NKAIN2: variants seen among roughly 807,000 people sequenced by gnomAD.
The protein encoded by NKAIN2 is sodium/potassium-transporting ATPase subunit beta-1-interacting protein 2.
In NKAIN2, 14 loss-of-function variants were observed where a neutral mutation model predicts 32.6. The ratio of observed to expected loss-of-function variants is 0.43; its 90% CI spans 0.28 to 0.67. NKAIN2 has a LOEUF of 0.67. NKAIN2 is among the 30% of genes least tolerant of loss of function. The pLI is 0.17. For missense variants in NKAIN2, 198 were observed against 258.3 expected, an observed-to-expected ratio of 0.77 and a Z score of 1.60; for synonymous variants, 80 against 87.2, an observed-to-expected ratio of 0.92 and a Z score of 0.46.
At chr6:124,635,277 A>ATGAAAACATACAAAAGTATATAAAAC (rs1188932234) in intron 3 of NKAIN2, among the ~76,000 whole-genome samples, 18 of 152,186 alleles carry the variant, frequency 1.2e-4, no homozygotes, top group African/African-American at 4.3e-4. Flanking sequence ...ATCTATCATT[A>ATGAAAACATACAAAAGTATATAAAAC]TGAAAACATA....
intron 1 of NKAIN2, among the ~76,000 whole-genome samples, chr6:123,901,998 G>A (rs908929179): frequency 6.6e-6 from 1 of 152,092 alleles, no homozygotes; most frequent in African/African-American, 2.4e-5. Flanking sequence ...TGGGTTGTTA[G>A]ACAAATTTTA....
intron 1 of NKAIN2, among the ~76,000 whole-genome samples, chr6:124,200,191 C>A (rs1433472073): frequency 6.6e-6 from 1 of 152,138 alleles, no homozygotes; most frequent in Non-Finnish European, 1.5e-5. Flanking sequence ...CTCACTGCCT[C>A]CTTATTCGCT....
At chr6:124,054,807 T>G (rs534760293) in intron 1 of NKAIN2, among the ~76,000 whole-genome samples, 1 of 152,122 alleles carries the variant, frequency 6.6e-6, no homozygotes, top group South Asian at 2.1e-4. Flanking sequence ...CCTTGCTACA[T>G]TCAGGTCCCT....
chr6:124,344,310 T>A (rs964366327), intron 2 of NKAIN2, among the ~76,000 whole-genome samples: 3 of 152,144 alleles, frequency 2.0e-5, no homozygotes, highest in African/African-American at 7.2e-5. Context: ...CACTTGGTGA[T>A]GCGGGCTCTT....
At chr6:124,383,798 C>G (rs890834801) in intron 3 of NKAIN2, among the ~76,000 whole-genome samples, 1 of 151,936 alleles carries the variant, frequency 6.6e-6, no homozygotes, top group Admixed American at 6.6e-5. Context: ...TGGCTTTAAA[C>G]CTTTGTTTTC....
chr6:124,095,702 T>C (rs9388300), intron 1 of NKAIN2, among the ~76,000 whole-genome samples: 33,545 of 152,116 alleles, frequency 0.22, 4,113 homozygotes, highest in East Asian at 0.44. Context: ...ATCAACTCTA[T>C]CAATAAACAC....
At chr6:124,239,147 A>G (rs1411370485) in intron 1 of NKAIN2, among the ~76,000 whole-genome samples, 2 of 152,188 alleles carry the variant, frequency 1.3e-5, no homozygotes, top group African/African-American at 4.8e-5. Context: ...AACAAAGATA[A>G]AAAAAGGAAG....
At chr6:123,884,348 A>T (rs114548704) in intron 1 of NKAIN2, among the ~76,000 whole-genome samples, 2 of 152,162 alleles carry the variant, frequency 1.3e-5, no homozygotes, top group Admixed American at 1.3e-4. Flanking sequence ...TATCCAGTCT[A>T]TCTCTTTATA....
intron 1 of NKAIN2, among the ~76,000 whole-genome samples, chr6:124,269,564 T>C (rs986033778): frequency 2.0e-5 from 3 of 150,770 alleles, no homozygotes; most frequent in African/African-American, 7.3e-5. Context: ...GCCTCCCAAG[T>C]TCAAGCGATT....
intron 1 of NKAIN2, among the ~76,000 whole-genome samples, chr6:124,187,652 A>T (rs901187605): frequency 6.6e-5 from 10 of 152,180 alleles, no homozygotes; most frequent in African/African-American, 2.2e-4. Context: ...TTTCAAACTT[A>T]GTTAAAATTC....
intron 3 of NKAIN2, among the ~76,000 whole-genome samples, chr6:124,468,153 T>TTACATCTGTACATCTAATG (rs1418323541): frequency 1.3e-5 from 2 of 152,148 alleles, no homozygotes; most frequent in African/African-American, 4.8e-5. Context: ...TGTACAGATT[T>TTACATCTGTACATCTAATG]TACATCTTCC....
chr6:124,013,486 A>G (rs1318874137), intron 1 of NKAIN2, among the ~76,000 whole-genome samples: 1 of 152,226 alleles, frequency 6.6e-6, no homozygotes, highest in Non-Finnish European at 1.5e-5. Context: ...TATGAGAAAT[A>G]TAAGGTGAGG....
chr6:124,728,729 GA>G (rs1279174360), intron 4 of NKAIN2, among the ~76,000 whole-genome samples: 1 of 150,316 alleles, frequency 6.7e-6, no homozygotes, highest in Non-Finnish European at 1.5e-5. Flanking sequence ...GAAGGAAATA[GA>G]GACACAAAAA....
At chr6:123,902,616 C>A (rs1440179511) in intron 1 of NKAIN2, among the ~76,000 whole-genome samples, 1 of 152,126 alleles carries the variant, frequency 6.6e-6, no homozygotes, top group Admixed American at 6.5e-5. Context: ...GTTGTTAGTA[C>A]CATCTTGAAT....
intron 2 of NKAIN2, among the ~76,000 whole-genome samples, chr6:124,351,684 C>T (rs576555715): frequency 2.0e-5 from 3 of 152,012 alleles, no homozygotes; most frequent in East Asian, 3.9e-4. Flanking sequence ...TGAAGTGGTG[C>T]GATCTTGGCT....
intron 1 of NKAIN2, among the ~76,000 whole-genome samples, chr6:124,145,133 C>T (rs888825457): frequency 1.3e-5 from 2 of 152,156 alleles, no homozygotes; most frequent in Non-Finnish European, 2.9e-5. Flanking sequence ...ATACCAAATT[C>T]TGGTGAGGAT....
At chr6:124,273,358 C>T (rs1200078086) in intron 1 of NKAIN2, among the ~76,000 whole-genome samples, 1 of 152,134 alleles carries the variant, frequency 6.6e-6, no homozygotes, top group African/African-American at 2.4e-5. Context: ...TTCCTGCTAT[C>T]TCTCTCCTGC....
At chr6:124,802,298 T>C (rs1291497207) in intron 5 of NKAIN2, among the ~76,000 whole-genome samples, 3 of 152,236 alleles carry the variant, frequency 2.0e-5, no homozygotes, top group Non-Finnish European at 4.4e-5. Context: ...GGATGTCAGC[T>C]GAGAAGACAT....
At chr6:124,464,826 T>C (rs186217169) in intron 3 of NKAIN2, among the ~76,000 whole-genome samples, 3 of 152,248 alleles carry the variant, frequency 2.0e-5, no homozygotes, top group Non-Finnish European at 4.4e-5. Context: ...TTCTTTTTGC[T>C]TAGGATTGTC....
Sources: gnomAD v4.1 joint callset for allele counts (sites outside exome capture counted in the v4.1 genomes callset) on GRCh38, gnomAD v4.1.1 for gene constraint, MANE v1.5 for transcripts, NCBI Gene and HGNC (gene_info 2026-07-23, HGNC 2026-07-21) for gene names.